The following SEMA6D variants were observed in gnomAD, a reference collection of about 807,000 sequenced individuals.
SEMA6D encodes the protein semaphorin 6D.
A neutral mutation model predicts 106.6 loss-of-function variants in SEMA6D; 35 were observed. That is an observed-to-expected ratio of 0.33 (90% CI 0.25 to 0.44). SEMA6D has a LOEUF of 0.44. SEMA6D is among the 20% of genes least tolerant of loss of function. The probability of loss-of-function intolerance (pLI) is 1.00; values close to 1 mark genes in which losing one functional copy is unlikely to be tolerated. For missense variants in SEMA6D, 1,185 were observed against 1,345.9 expected, an observed-to-expected ratio of 0.88 and a Z score of 1.87; for synonymous variants, 499 against 487.7, an observed-to-expected ratio of 1.02 and a Z score of -0.31.
chr15:47,409,571 G>A (rs911220453), intron 1 of SEMA6D, among the ~76,000 whole-genome samples: 6 of 152,174 alleles, frequency 3.9e-5, no homozygotes, highest in Non-Finnish European at 1.5e-5. Flanking sequence ...CCAGCCTGTT[G>A]CTCTCAATTT....
intron 1 of SEMA6D, among the ~76,000 whole-genome samples, chr15:47,741,963 G>C (rs926389516): frequency 6.6e-6 from 1 of 152,088 alleles, no homozygotes; most frequent in African/African-American, 2.4e-5. Flanking sequence ...GCAGAGAGAG[G>C]GATGGAGAGG....
At chr15:47,625,345 TAAG>T (rs369232957) in intron 4 of SEMA6D, among the ~76,000 whole-genome samples, 2 of 152,116 alleles carry the variant, frequency 1.3e-5, no homozygotes, top group African/African-American at 2.4e-5. Flanking sequence ...TGTTGAAAAA[TAAG>T]AAGAAAATAG....
At chr15:47,519,805 T>C (rs75851458) in intron 3 of SEMA6D, among the ~76,000 whole-genome samples, 4 of 152,244 alleles carry the variant, frequency 2.6e-5, no homozygotes, top group African/African-American at 9.6e-5. Flanking sequence ...TTCCTTCCTC[T>C]TGGGGAAGTG....
At chr15:47,234,436 T>A (rs1291689551) in intron 1 of SEMA6D, among the ~76,000 whole-genome samples, 1 of 152,052 alleles carries the variant, frequency 6.6e-6, no homozygotes, top group Non-Finnish European at 1.5e-5. Context: ...TTTAGTATAC[T>A]TGCTGCTTGA....
chr15:47,577,573 C>T (rs985972738), intron 3 of SEMA6D, among the ~76,000 whole-genome samples: 6 of 152,218 alleles, frequency 3.9e-5, no homozygotes, highest in African/African-American at 1.4e-4. Context: ...AAATTATTCC[C>T]TCCCTCGAGG....
intron 3 of SEMA6D, among the ~76,000 whole-genome samples, chr15:47,582,350 G>T (rs556628873): frequency 6.6e-6 from 1 of 152,346 alleles, no homozygotes; most frequent in African/African-American, 2.4e-5. Flanking sequence ...GAAAGAAGTT[G>T]TAGAATTTCT....
intron 1 of SEMA6D, among the ~76,000 whole-genome samples, chr15:47,319,175 A>G (rs1331214148): frequency 2.0e-5 from 3 of 152,118 alleles, no homozygotes; most frequent in Non-Finnish European, 2.9e-5. Flanking sequence ...TAAGATTTCC[A>G]TCTCTCTGCT....
chr15:47,189,085 G>A (rs1370795408), intron 1 of SEMA6D, among the ~76,000 whole-genome samples: 1 of 152,114 alleles, frequency 6.6e-6, no homozygotes, highest in African/African-American at 2.4e-5. Context: ...AGGATATCAG[G>A]GTGGAAATAA....
intron 3 of SEMA6D, among the ~76,000 whole-genome samples, chr15:47,561,724 A>G (rs1192768984): frequency 6.7e-6 from 1 of 150,044 alleles, no homozygotes; most frequent in Admixed American, 6.6e-5. Flanking sequence ...GTGTTTTTCA[A>G]TTTCTTATTA....
chr15:47,716,704 G>T (rs1234927653), upstream of SEMA6D, among the ~76,000 whole-genome samples: 1 of 151,898 alleles, frequency 6.6e-6, no homozygotes, highest in African/African-American at 2.4e-5. Context: ...AATTTTAAAT[G>T]ATGTCACTTC....
At chr15:47,605,702 C>A (rs1443868884) in intron 4 of SEMA6D, among the ~76,000 whole-genome samples, 2 of 152,080 alleles carry the variant, frequency 1.3e-5, no homozygotes, top group South Asian at 2.1e-4. Context: ...ACTTTACTTG[C>A]TATTACAGGT....
intron 3 of SEMA6D, among the ~76,000 whole-genome samples, chr15:47,557,619 G>A (rs1596314634): frequency 1.3e-5 from 2 of 152,086 alleles, no homozygotes; most frequent in African/African-American, 4.8e-5. Context: ...AAGCAGAACT[G>A]ATATTGTCAT....
intron 1 of SEMA6D, among the ~76,000 whole-genome samples, chr15:47,288,785 T>C (rs753749679): frequency 8.5e-5 from 13 of 152,198 alleles, no homozygotes; most frequent in Non-Finnish European, 1.6e-4. Flanking sequence ...TCCATCTTCA[T>C]GTCTGTGACC....
chr15:47,711,225 G>C (rs969941177), intron 4 of SEMA6D, among the ~76,000 whole-genome samples: 15 of 149,268 alleles, frequency 1.0e-4, no homozygotes, highest in African/African-American at 3.7e-4. Flanking sequence ...CAGGAGAATG[G>C]CGTGAACCCG....
intron 3 of SEMA6D, among the ~76,000 whole-genome samples, chr15:47,503,431 G>C (rs2043924579): frequency 6.6e-6 from 1 of 152,142 alleles, no homozygotes; most frequent in Non-Finnish European, 1.5e-5. Context: ...AGAAAGGCTG[G>C]TGTATTCCGA....
chr15:47,590,563 CAAAA>C (rs1182404708), intron 3 of SEMA6D, among the ~76,000 whole-genome samples: 1 of 151,610 alleles, frequency 6.6e-6, no homozygotes, highest in Non-Finnish European at 1.5e-5. Context: ...AATTAATACA[CAAAA>C]AAAGAAACAG....
chr15:47,517,776 A>G (rs1264140295), intron 3 of SEMA6D, among the ~76,000 whole-genome samples: 1 of 152,174 alleles, frequency 6.6e-6, no homozygotes, highest in South Asian at 2.1e-4. Flanking sequence ...TGAACTTTTT[A>G]TAACCCTCGA....
intron 3 of SEMA6D, among the ~76,000 whole-genome samples, chr15:47,544,578 A>G (rs1596286420): frequency 6.6e-6 from 1 of 152,130 alleles, no homozygotes; most frequent in African/African-American, 2.4e-5. Context: ...AGGTCAAACA[A>G]TTCAGATTAG....
chr15:47,316,798 C>T (rs145352104), intron 1 of SEMA6D, among the ~76,000 whole-genome samples: 2 of 152,096 alleles, frequency 1.3e-5, no homozygotes, highest in African/African-American at 4.8e-5. Flanking sequence ...GGTTTTTATA[C>T]ATTGTTGGAT....
Sources: allele counts gnomAD v4.1 joint callset (sites outside exome capture counted in the v4.1 genomes callset), GRCh38; gene constraint gnomAD v4.1.1; transcripts MANE v1.5; gene names NCBI Gene and HGNC (gene_info 2026-07-23, HGNC 2026-07-21).